Variants in PSMA1 observed in about 807,000 individuals in gnomAD.
The protein encoded by PSMA1 is proteasome 20S subunit alpha 1, also known as proteasome subunit alpha type-1.
Under a neutral mutation model 38.4 loss-of-function variants are expected in PSMA1, and 3 were observed. The ratio of observed to expected loss-of-function variants is 0.08; its 90% confidence interval spans 0.04 to 0.20. The LOEUF is 0.20. Among genes scored for constraint, PSMA1 ranks in the 10% least tolerant of loss-of-function variants. PSMA1 has a pLI of 1.00. For synonymous variants in PSMA1, 101 were observed against 107.1 expected, an observed-to-expected ratio of 0.94 and a Z score of 0.35; for missense variants, 227 against 325.3, an observed-to-expected ratio of 0.70 and a Z score of 2.32.
At chr11:14,639,794 T>C (rs1853174446) in intron 1 of PSMA1, among the ~76,000 whole-genome samples, 1 of 152,224 alleles carries the variant, frequency 6.6e-6, no homozygotes, top group South Asian at 2.1e-4. Context: ...CTTACTTTAC[T>C]TAGGTAACTT....
intron 1 of PSMA1, among the ~76,000 whole-genome samples, chr11:14,638,585 ATTTTTTTTTTTTTTTT>A (rs1162549899): frequency 8.6e-4 from 7 of 8,094 alleles, no homozygotes; most frequent in African/African-American, 1.1e-3. Context: ...ATATATATAT[ATTTTTTTTTTTTTTTT>A]TTTTTTTTTT....
chr11:14,605,602 G>A (rs2134195917), intron 2 of PSMA1, among the ~76,000 whole-genome samples: 1 of 152,236 alleles, frequency 6.6e-6, no homozygotes, highest in African/African-American at 2.4e-5. Flanking sequence ...GCCCAGGCTG[G>A]TCTCAAACTC....
intron 1 of PSMA1, among the ~76,000 whole-genome samples, chr11:14,614,326 T>C (rs1852744114): frequency 6.6e-6 from 1 of 152,132 alleles, no homozygotes; most frequent in South Asian, 2.1e-4. Context: ...TATTTCATTA[T>C]ATGATGAGTA....
intron 2 of PSMA1, among the ~76,000 whole-genome samples, chr11:14,567,607 G>C (rs867123819): frequency 3.0e-4 from 46 of 152,300 alleles, no homozygotes; most frequent in African/African-American, 1.0e-3. Context: ...AGTGCTCATG[G>C]AACTTTTGTG....
intron 1 of PSMA1, among the ~76,000 whole-genome samples, chr11:14,635,702 G>T (rs769642094): frequency 6.6e-6 from 1 of 152,100 alleles, no homozygotes; most frequent in African/African-American, 2.4e-5. Flanking sequence ...TTTTCAAAAG[G>T]GAGATTTCTC....
At chr11:14,638,506 C>CCTCTCTCTCTCTCTCCCT (rs1853138804) in intron 1 of PSMA1, among the ~76,000 whole-genome samples, 20 of 31,916 alleles carry the variant, frequency 6.3e-4, no homozygotes, top group Non-Finnish European at 1.0e-3. Context: ...GAGAAACACA[C>CCTCTCTCTCTCTCTCCCT]CTCTCTCTCT....
upstream of PSMA1, among the ~76,000 whole-genome samples, chr11:14,521,313 T>TAATAAG (rs1333151986): frequency 8.7e-5 from 7 of 80,532 alleles, no homozygotes; most frequent in Non-Finnish European, 1.5e-4. Context: ...ATAATAAGAA[T>TAATAAG]AAGAATAAGA....
chr11:14,568,212 A>C (rs1364116083), intron 2 of PSMA1, among the ~76,000 whole-genome samples: 3 of 152,086 alleles, frequency 2.0e-5, no homozygotes, highest in Non-Finnish European at 4.4e-5. Context: ...GAAGTGCCCA[A>C]CTCCAAAGCC....
Position 14,507,676 on chromosome 11 carries a change from TTTC to T in PSMA1, c.712_714del (p.Glu238del). 2 of 1,610,062 alleles carry T rather than the reference TTTC, an allele frequency of 1.2e-6. No individual in the cohort carries two copies. The highest frequency in any genetic ancestry group is 4.5e-5 in the East Asian group (2 of 44,832). On this transcript the variant is annotated inframe_deletion, in exon 9 of 10. Coordinates refer to ENST00000396394, the MANE Select transcript of PSMA1 (RefSeq NM_002786.4). ...TATACCTGTGCCTTTCTCTGTGGTC[TTTC>T]TTCAAGACCTTCCAGGAATGGAGAC...
intron 2 of PSMA1, among the ~76,000 whole-genome samples, chr11:14,564,997 G>A (rs893510710): frequency 3.9e-5 from 6 of 152,028 alleles, no homozygotes; most frequent in Admixed American, 2.6e-4. Flanking sequence ...CAGGCTGGCC[G>A]TGAACTCCTG....
intron 1 of PSMA1, among the ~76,000 whole-genome samples, chr11:14,642,541 G>C (rs1853226057): frequency 1.3e-5 from 2 of 152,148 alleles, no homozygotes; most frequent in African/African-American, 4.8e-5. Context: ...GTCTGTTTTA[G>C]GTCATGACTG....
At chr11:14,627,754 C>T (rs1852932564) in intron 1 of PSMA1, among the ~76,000 whole-genome samples, 1 of 152,194 alleles carries the variant, frequency 6.6e-6, no homozygotes, top group African/African-American at 2.4e-5. Context: ...CATTCTCATA[C>T]TTTATATTCT....
At chr11:14,607,233 C>G (rs1047053530) in intron 2 of PSMA1, among the ~76,000 whole-genome samples, 25 of 152,204 alleles carry the variant, frequency 1.6e-4, no homozygotes, top group African/African-American at 5.8e-4. Context: ...AGTTTTAGCT[C>G]TGAACATTTC....
intron 1 of PSMA1, among the ~76,000 whole-genome samples, chr11:14,624,518 T>C (rs1243866603): frequency 6.6e-6 from 1 of 152,128 alleles, no homozygotes; most frequent in Non-Finnish European, 1.5e-5. Flanking sequence ...TATGTGCAAC[T>C]CTGGGCTCTG....
At position 14,564,986 on chromosome 11, in the gene PSMA1, C is replaced by A. The variant is rs73424216; in HGVS notation, c.22-45945G>T. Among the ~76,000 whole-genome samples the A allele has an allele frequency of 3.6e-3, 549 of 152,058 alleles. 4 individuals are homozygous for A. Among genetic ancestry groups the A allele is most frequent in the African/African-American group, 0.013 (531 of 41,506 alleles). On this transcript the variant is annotated intron_variant, in intron 2 of 10. Transcript: ENST00000418988. ...GTAGAGATGGGGTCTTACTTTTTGT[C>A]CAGGCTGGCCGTGAACTCCTGGGCT...
At chr11:14,520,479 T>C (rs1851510679), upstream of PSMA1, 31 of 1,477,704 alleles carry the variant, frequency 2.1e-5, no homozygotes, top group Non-Finnish European at 2.8e-5. Context: ...TCCTTAAAAC[T>C]TTCCGACCGC....
chr11:14,612,042 T>C (rs1208535480), intron 1 of PSMA1, among the ~76,000 whole-genome samples: 1 of 152,206 alleles, frequency 6.6e-6, no homozygotes, highest in Non-Finnish European at 1.5e-5. Context: ...TAAGTGCATC[T>C]CTAAAGCTGA....
At chr11:14,525,087 C>T (rs1851572000), upstream of PSMA1, among the ~76,000 whole-genome samples, 1 of 152,122 alleles carries the variant, frequency 6.6e-6, no homozygotes, top group East Asian at 1.9e-4. Context: ...TTTCCCTTGC[C>T]TCCATAACTG....
chr11:14,590,167 G>C (rs906764529), intron 2 of PSMA1, among the ~76,000 whole-genome samples: 1 of 152,190 alleles, frequency 6.6e-6, no homozygotes, highest in Non-Finnish European at 1.5e-5. Flanking sequence ...AAAGTAGAAT[G>C]TTGGTTGCTA....
Sources: allele counts gnomAD v4.1 joint callset (sites outside exome capture counted in the v4.1 genomes callset), GRCh38; gene constraint gnomAD v4.1.1; transcripts MANE v1.5; gene names NCBI Gene and HGNC (gene_info 2026-07-23, HGNC 2026-07-21).